The following RRAGC variants were observed in gnomAD, a reference collection of about 807,000 sequenced individuals.
RRAGC encodes the protein Ras related GTP binding C.
A neutral mutation model predicts 37.1 loss-of-function variants in RRAGC; 8 were observed. That is an observed-to-expected ratio of 0.22 (90% CI 0.13 to 0.39). The LOEUF (loss-of-function observed/expected upper bound fraction) is 0.39, where lower values mean the gene tolerates loss of function less well. RRAGC is among the 10% of genes least tolerant of loss of function. The pLI, the probability that RRAGC is intolerant of heterozygous loss-of-function variation, is 1.00. For missense variants in RRAGC, 342 were observed against 497.6 expected (o/e 0.69, Z 2.98); for synonymous variants, 190 against 181.1 (o/e 1.05, Z -0.39).
intron 4 of RRAGC, 120 bp from the exon 5 acceptor site, chr1:38,851,877 C>T (rs1642104789): frequency 5.0e-6 from 4 of 792,250 alleles, no homozygotes; most frequent in Non-Finnish European, 2.0e-6. Context: ...AACCCAATAC[C>T]AAAAAACAAA....
At chr1:38,848,241 T>A (rs1642051539) in intron 5 of RRAGC, among the ~76,000 whole-genome samples, 1 of 152,154 alleles carries the variant, frequency 6.6e-6, no homozygotes, top group Admixed American at 6.5e-5. Flanking sequence ...TACTTCCTTC[T>A]AATTGGAGAA....
chr1:38,842,531 A>C (rs1032532056), intron 6 of RRAGC, among the ~76,000 whole-genome samples: 7 of 152,210 alleles, frequency 4.6e-5, no homozygotes, highest in Non-Finnish European at 1.0e-4. Flanking sequence ...AGCATTATTA[A>C]GGACAAGAAG....
intron 5 of RRAGC, among the ~76,000 whole-genome samples, chr1:38,849,092 C>A (rs1200825113): frequency 6.6e-6 from 1 of 150,716 alleles, no homozygotes; most frequent in Non-Finnish European, 1.5e-5. Context: ...TAGTGACAGA[C>A]CATGTCTCAA....
intron 3 of RRAGC, among the ~76,000 whole-genome samples, chr1:38,853,578 T>A (rs570450240): frequency 1.0e-3 from 158 of 152,184 alleles, no homozygotes; most frequent in African/African-American, 3.3e-3. Flanking sequence ...AAACCCCATG[T>A]CTACTAAAAA....
At position 38,859,345 on chromosome 1, in the gene RRAGC, C is replaced by A. The variant is rs80329256; in HGVS notation, c.237+65G>T. The A allele has an allele frequency of 4.7e-3, 6,705 of 1,425,924 alleles. 266 individuals are homozygous for A. In the African/African-American group the frequency reaches 0.086, roughly 18 times the overall value. 88.3% of individuals were successfully genotyped at this position (1,425,924 alleles called of 1,614,324 possible). ...GGGCCCCGGCCGCCGCCCTCCCGGG[C>A]GTCCCCGCTACCGGCCACCTGAGAA... On this transcript the variant is annotated intron_variant, in intron 1 of 6. Transcript: ENST00000373001.
At chr1:38,858,502 A>C (rs1388310093) in intron 1 of RRAGC, among the ~76,000 whole-genome samples, 1 of 152,078 alleles carries the variant, frequency 6.6e-6, no homozygotes, top group Non-Finnish European at 1.5e-5. Flanking sequence ...GTTCGAGATG[A>C]CCCTGGCCAA....
At chr1:38,854,171 G>A (rs953728342) in intron 3 of RRAGC, among the ~76,000 whole-genome samples, 3 of 149,334 alleles carry the variant, frequency 2.0e-5, no homozygotes, top group African/African-American at 2.5e-5. Flanking sequence ...GGGTTCAAGC[G>A]ATTCTCCTCT....
In RRAGC at chr1:38,850,637, GA is replaced by G. The variant is rs560314643; in HGVS notation, c.899+977del. 6.6e-3 allele frequency among the ~76,000 whole-genome samples: 1,011 copies of G among 152,256 alleles called. 11 individuals are homozygous for G. The highest frequency in any genetic ancestry group is 0.023 in the African/African-American group (958 of 41,544). On this transcript the variant is annotated intron_variant, in intron 5 of 6. Transcript: ENST00000373001. The stretch of plus-strand genomic sequence containing the variant: ...ACTCTCCTACTCAGAGGCAGCTGGA[GA>G]AATTAAGCAAAAGACCAAAATGAAG...
intron 6 of RRAGC, among the ~76,000 whole-genome samples, chr1:38,840,379 T>A (rs1022605424): frequency 3.3e-5 from 5 of 152,158 alleles, no homozygotes; most frequent in Admixed American, 3.3e-4. Flanking sequence ...TTTGATTTGA[T>A]GAAAGTCAGT....
intron 3 of RRAGC, among the ~76,000 whole-genome samples, chr1:38,855,059 ACAG>A (rs1642151162): frequency 6.6e-6 from 1 of 152,228 alleles, no homozygotes; most frequent in Non-Finnish European, 1.5e-5. Context: ...TAATTTCTTA[ACAG>A]TAGTTACAAA....
In RRAGC at chr1:38,849,718, T is replaced by C. The variant is rs537637793; in HGVS notation, c.899+1897A>G. Among the ~76,000 whole-genome samples the C allele has an allele frequency of 3.3e-5, 5 of 152,192 alleles. No homozygotes were observed. In the South Asian group the frequency reaches 1.0e-3, roughly 32 times the overall value. On this transcript the variant is annotated intron_variant, in intron 5 of 6. Transcript: ENST00000373001. ...AAATAAATAAATAAAATAAATAACA[T>C]GTATCTAACATTGAAAATAAATTTT... is the stretch of plus-strand genomic sequence containing the variant.
At chr1:38,843,497 G>A (rs1196523262) in intron 6 of RRAGC, among the ~76,000 whole-genome samples, 2 of 152,096 alleles carry the variant, frequency 1.3e-5, no homozygotes, top group African/African-American at 2.4e-5. Flanking sequence ...GAGGCAGGCA[G>A]ATCACGAGGT....
Position 38,851,695 on chromosome 1 carries a change from G to C in RRAGC, c.819C>G (p.Asp273Glu). 6.2e-7 allele frequency: 1 copy of C among 1,602,336 alleles called. No homozygotes were observed. The highest frequency in any genetic ancestry group is 1.1e-5 in the South Asian group (1 of 88,390). ...AAGATTGCATATCCACAGGGGAACT[G>C]TCTGTTGCAATGTAGATTTTGCTGA... The part of the protein sequence containing the change: ...DVVSKIYIAT[D>E]SSPVDMQSYE... The change falls in exon 5 of 7, where the codon GAC becomes GAG. Residue 273 changes from aspartate (D) to glutamate (E), a missense_variant. By Grantham distance (45) the Asp-to-Glu change is conservative. Coordinates refer to ENST00000373001, the MANE Select transcript of RRAGC (RefSeq NM_022157.4).
chr1:38,850,189 G>A (rs1642081967), intron 5 of RRAGC, among the ~76,000 whole-genome samples: 1 of 151,012 alleles, frequency 6.6e-6, no homozygotes, highest in Non-Finnish European at 1.5e-5. Flanking sequence ...CTGGGCAACA[G>A]AGCGAGACTC....
intron 5 of RRAGC, chr1:38,847,292 T>A (rs908994041): frequency 6.6e-6 from 1 of 152,076 alleles, no homozygotes; most frequent in African/African-American, 2.4e-5. Flanking sequence ...TGTGTTCTCA[T>A]ATGGTAGCAT....
intron 1 of RRAGC, among the ~76,000 whole-genome samples, 162 bp downstream of exon 1, chr1:38,859,248 G>C (rs957402481): frequency 6.6e-6 from 1 of 152,258 alleles, no homozygotes; most frequent in South Asian, 2.1e-4. Context: ...ACAGAGGTCG[G>C]GGTCCCCGCG....
chr1:38,844,420 A>G (rs186276008), intron 6 of RRAGC, among the ~76,000 whole-genome samples: 1 of 151,166 alleles, frequency 6.6e-6, no homozygotes, highest in African/African-American at 2.4e-5. Context: ...GCAAGCAGAA[A>G]GACTTGGCTC....
At chr1:38,850,664 G>A (rs1307452036) in intron 5 of RRAGC, among the ~76,000 whole-genome samples, 1 of 151,864 alleles carries the variant, frequency 6.6e-6, no homozygotes, top group African/African-American at 2.4e-5. Flanking sequence ...CAAAATGAAG[G>A]GCAGAGTCAG....
rs778553461 is a variant in RRAGC, at chr1:38,857,059, G to A, written c.261C>T (p.Pro87=). 1.2e-5 allele frequency: 20 copies of A among 1,613,126 alleles called. No homozygotes were observed. The highest frequency in any genetic ancestry group is 1.6e-5 in the Non-Finnish European group (19 of 1,179,328). Residue 87 remains proline (P), a synonymous_variant, in exon 2 of 7, where the codon CCC becomes CCT. Coordinates refer to ENST00000373001, the MANE Select transcript of RRAGC (RefSeq NM_022157.4). ...IQKVVFHKMS[P]NETLFLESTN... ...TACTTTCCAAAAAGAGGGTCTCGTT[G>A]GGTGACATCTTATGAAACACCACCT...
Sources: allele counts gnomAD v4.1 joint callset (sites outside exome capture counted in the v4.1 genomes callset), GRCh38; gene constraint gnomAD v4.1.1; transcripts MANE v1.5; gene names NCBI Gene and HGNC (gene_info 2026-07-23, HGNC 2026-07-21).